Variants in CADPS observed in about 807,000 individuals in gnomAD.
CADPS encodes the protein calcium dependent secretion activator.
CADPS carries 57 observed loss-of-function variants against 167.3 expected under a neutral mutation model. The ratio of observed to expected loss-of-function variants is 0.34; its 90% CI spans 0.28 to 0.42. CADPS has a LOEUF of 0.42. Ranked by LOEUF, CADPS falls within the 20% of genes least tolerant of loss-of-function variation. The probability of loss-of-function intolerance (pLI) is 1.00; values close to 1 mark genes in which losing one functional copy is unlikely to be tolerated. For missense variants in CADPS, 1,414 were observed against 1,738.1 expected (o/e 0.81, Z 3.32); for synonymous variants, 676 against 635.3 (o/e 1.06, Z -0.96).
intron 18 of CADPS, among the ~76,000 whole-genome samples, chr3:62,495,017 C>T (rs2064455168): frequency 1.3e-5 from 2 of 152,136 alleles, no homozygotes; most frequent in Admixed American, 1.3e-4. Flanking sequence ...AGAAGTGCCA[C>T]TTCTACGATC....
intron 6 of CADPS, among the ~76,000 whole-genome samples, chr3:62,645,090 A>G (rs2068247294): frequency 6.6e-6 from 1 of 152,198 alleles, no homozygotes; most frequent in Non-Finnish European, 1.5e-5. Flanking sequence ...ACATACAGGA[A>G]AAAATTAGAC....
At chr3:62,434,450 C>T (rs1271990011) in intron 28 of CADPS, among the ~76,000 whole-genome samples, 1 of 151,976 alleles carries the variant, frequency 6.6e-6, no homozygotes, top group Non-Finnish European at 1.5e-5. Context: ...TATTAATAAA[C>T]AAAGGAATCT....
intron 1 of CADPS, among the ~76,000 whole-genome samples, chr3:62,816,836 A>G (rs954604067): frequency 6.6e-6 from 1 of 152,158 alleles, no homozygotes; most frequent in Non-Finnish European, 1.5e-5. Flanking sequence ...CCTAGTTTTC[A>G]AATCTCTTTA....
intron 4 of CADPS, among the ~76,000 whole-genome samples, 171 bp from the exon 5 acceptor site, chr3:62,651,251 G>C (rs115866121): frequency 2.8e-3 from 431 of 152,266 alleles, no homozygotes; most frequent in African/African-American, 9.8e-3. Context: ...GTAGACAGCT[G>C]CCTGCCTGCT....
At chr3:62,639,186 T>C (rs1370996584) in intron 6 of CADPS, among the ~76,000 whole-genome samples, 2 of 152,192 alleles carry the variant, frequency 1.3e-5, no homozygotes, top group Non-Finnish European at 2.9e-5. Flanking sequence ...CCTACGTATC[T>C]TCTGGGAGCC....
chr3:62,409,592 T>C (rs2149212212), intron 28 of CADPS, among the ~76,000 whole-genome samples: 1 of 152,328 alleles, frequency 6.6e-6, no homozygotes, highest in Non-Finnish European at 1.5e-5. Context: ...TACCATTTCT[T>C]GACTAGCATT....
At chr3:62,868,650 T>C (rs1387639186) in intron 1 of CADPS, among the ~76,000 whole-genome samples, 2 of 152,130 alleles carry the variant, frequency 1.3e-5, no homozygotes, top group African/African-American at 4.8e-5. Flanking sequence ...TCTGCTGTCT[T>C]ATAACCTTTT....
At chr3:62,472,171 G>C (rs9848406) in intron 24 of CADPS, among the ~76,000 whole-genome samples, 10,424 of 152,196 alleles carry the variant, frequency 0.068, 437 homozygotes, top group African/African-American at 0.1. Flanking sequence ...GAGATAGAAA[G>C]TATTTTGGTG....
At chr3:62,657,137 T>C (rs914358804) in intron 4 of CADPS, among the ~76,000 whole-genome samples, 5 of 152,208 alleles carry the variant, frequency 3.3e-5, no homozygotes, top group African/African-American at 1.2e-4. Flanking sequence ...GAGGATTCCA[T>C]TTGTATCTGG....
At chr3:62,852,119 G>A (rs917295735) in intron 1 of CADPS, among the ~76,000 whole-genome samples, 3 of 148,624 alleles carry the variant, frequency 2.0e-5, no homozygotes, top group Non-Finnish European at 4.5e-5. Flanking sequence ...TTGGTTTTCA[G>A]CTCCATCAGC....
intron 1 of CADPS, among the ~76,000 whole-genome samples, chr3:62,771,110 G>A (rs959812958): frequency 3.9e-5 from 6 of 152,128 alleles, no homozygotes; most frequent in Non-Finnish European, 7.3e-5. Context: ...TGTTTCACAA[G>A]TACAAGGACC....
At chr3:62,537,061 C>T (rs959271105) in intron 11 of CADPS, among the ~76,000 whole-genome samples, 4 of 152,104 alleles carry the variant, frequency 2.6e-5, no homozygotes, top group East Asian at 1.9e-4. Context: ...ATATTTATAT[C>T]GTCTTCTTCC....
At chr3:62,741,369 C>G (rs182205105) in intron 3 of CADPS, among the ~76,000 whole-genome samples, 1 of 152,246 alleles carries the variant, frequency 6.6e-6, no homozygotes, top group East Asian at 1.9e-4. Context: ...GATGTAAAAT[C>G]CTCAGCAAAA....
intron 3 of CADPS, among the ~76,000 whole-genome samples, chr3:62,714,053 G>A (rs558001720): frequency 8.9e-4 from 135 of 152,134 alleles, no homozygotes; most frequent in African/African-American, 3.1e-3. Context: ...TTATAGATGA[G>A]GCCATTGAGG....
At chr3:62,750,994 G>C (rs1024982088) in intron 3 of CADPS, among the ~76,000 whole-genome samples, 1 of 152,096 alleles carries the variant, frequency 6.6e-6, no homozygotes, top group Non-Finnish European at 1.5e-5. Context: ...ACACTTCTGC[G>C]TATCTACTTG....
At chr3:62,512,874 A>G in intron 16 of CADPS, 106 bp from the exon 17 acceptor site, 1 of 861,768 alleles carries the variant, frequency 1.2e-6, no homozygotes, top group Non-Finnish European at 1.7e-6. Context: ...TATGTGTGAT[A>G]CATGATATTG....
At chr3:62,633,551 G>A (rs844296) in intron 6 of CADPS, among the ~76,000 whole-genome samples, 24,052 of 151,834 alleles carry the variant, frequency 0.16, 1,935 homozygotes, top group African/African-American at 0.2. Flanking sequence ...CCTTCTTGCC[G>A]TAGAGTCTCA....
chr3:62,723,361 A>C (rs961060273), intron 3 of CADPS, among the ~76,000 whole-genome samples: 1 of 152,172 alleles, frequency 6.6e-6, no homozygotes, highest in African/African-American at 2.4e-5. Flanking sequence ...TTTCCAGTTC[A>C]GCGGACCCTG....
At chr3:62,559,967 G>A (rs2078860365) in intron 9 of CADPS, among the ~76,000 whole-genome samples, 1 of 151,026 alleles carries the variant, frequency 6.6e-6, no homozygotes, top group Non-Finnish European at 1.5e-5. Flanking sequence ...CATGGTTTGG[G>A]CTTTTTAATT....
Sources: allele counts gnomAD v4.1 joint callset (sites outside exome capture counted in the v4.1 genomes callset), GRCh38; gene constraint gnomAD v4.1.1; transcripts MANE v1.5; gene names NCBI Gene and HGNC (gene_info 2026-07-23, HGNC 2026-07-21).